ARSH: variants seen among roughly 807,000 people sequenced by gnomAD.
The protein encoded by ARSH is arylsulfatase family member H, also known as arylsulfatase H.
A neutral mutation model predicts 28.7 loss-of-function variants in ARSH; 32 were observed. The observed-to-expected ratio is 1.11, with a 90% confidence interval of 0.84 to 1.50. The LOEUF (loss-of-function observed/expected upper bound fraction) is 1.50. Among genes scored for constraint, ARSH ranks in the 40% most tolerant of loss-of-function variants. The pLI, the probability that ARSH is intolerant of heterozygous loss-of-function variation, is 0.00. For synonymous variants in ARSH, 176 were observed against 177.3 expected, an observed-to-expected ratio of 0.99 and a Z score of 0.06; for missense variants, 440 against 452.4, an observed-to-expected ratio of 0.97 and a Z score of 0.25.
At chrX:3,011,252 CTTT>C (rs386419239) in intron 2 of ARSH, among the ~76,000 whole-genome samples, 1 of 90,944 alleles carries the variant, frequency 1.1e-5, no homozygotes. Context: ...TTCTTTCTTT[CTTT>C]TTTTTTTTTT....
chrX:3,012,987 G>A (rs972117784), intron 2 of ARSH, 60 bp from the exon 3 acceptor site: 13 of 1,154,301 alleles, frequency 1.1e-5, no homozygotes, highest in African/African-American at 1.8e-5. Flanking sequence ...TAAGCATGTC[G>A]GGATAAATTC....
At chrX:3,014,584 G>T (rs1421516261) in intron 3 of ARSH, among the ~76,000 whole-genome samples, 4 of 111,444 alleles carry the variant, frequency 3.6e-5, no homozygotes, top group Non-Finnish European at 5.6e-5. Context: ...TGCACTGAAA[G>T]TCCTTGGTAT....
At chrX:3,012,367 G>A (rs1230333608) in intron 2 of ARSH, among the ~76,000 whole-genome samples, 1 of 100,669 alleles carries the variant, frequency 9.9e-6, no homozygotes, top group Non-Finnish European at 2.0e-5. Context: ...GTGAAACCTC[G>A]TCTCTACTAA....
chrX:3,017,412 A>T (rs2089869063), intron 4 of ARSH, among the ~76,000 whole-genome samples: 1 of 110,635 alleles, frequency 9.0e-6, no homozygotes, highest in African/African-American at 3.3e-5. Context: ...CAAAAAATGT[A>T]CAAAATTAGC....
At chrX:3,007,725 T>C (rs139534809) in intron 1 of ARSH, among the ~76,000 whole-genome samples, 6 of 103,838 alleles carry the variant, frequency 5.8e-5, no homozygotes, top group Admixed American at 2.1e-4. Flanking sequence ...AAGAATACCA[T>C]AGACTGGGTG....
chrX:3,026,791 G>T lies in ARSH; in HGVS notation c.1037-522G>T, dbSNP rs139915248. ...GGAAATCACGGGGTAAAGTTTTTTA[G>T]CTTGTTCCTCAAGGATCATTATAAT... On this transcript the variant is annotated intron_variant, in intron 6 of 8. Coordinates refer to ENST00000381130, the MANE Select transcript of ARSH (RefSeq NM_001011719.2). Among the ~76,000 whole-genome samples, 22 of 111,901 alleles carry T rather than the reference G, an allele frequency of 2.0e-4. 1 individual carries two copies. Among genetic ancestry groups the T allele is most frequent in the Admixed American group, 5.7e-4 (6 of 10,490 alleles).
Position 3,024,014 on chromosome X carries a change from T to A in ARSH, c.902-7T>A, listed in dbSNP as rs1464858644. 2 of 1,209,936 alleles carry A rather than the reference T, an allele frequency of 1.7e-6. No individual in the cohort carries two copies. The highest frequency in any genetic ancestry group is 2.2e-6 in the Non-Finnish European group (2 of 894,770). On this transcript the variant is annotated splice_region_variant and splice_polypyrimidine_tract_variant and intron_variant, in intron 5 of 8. Coordinates refer to ENST00000381130, the MANE Select transcript of ARSH (RefSeq NM_001011719.2). ...GTCAACGTCTTTGTGTCTCTGACCC[T>A]CTCCAGGTAAAATCCTGGATGCCCT...
chrX:3,013,386 A>T (rs2089856538), intron 3 of ARSH, among the ~76,000 whole-genome samples: 1 of 111,255 alleles, frequency 9.0e-6, no homozygotes, highest in African/African-American at 3.3e-5. Context: ...CAGAAAGCAA[A>T]CAAGTGTATC....
At chrX:3,020,552 G>T (rs2089880385) in intron 5 of ARSH, among the ~76,000 whole-genome samples, 1 of 85,432 alleles carries the variant, frequency 1.2e-5, no homozygotes, top group South Asian at 7.0e-4. Context: ...TTGTGCCACT[G>T]CACTCCAGCC....
intron 4 of ARSH, among the ~76,000 whole-genome samples, chrX:3,016,049 C>T (rs1257319378): frequency 9.4e-6 from 1 of 106,863 alleles, no homozygotes; most frequent in Non-Finnish European, 1.9e-5. Context: ...CTCACTCTGC[C>T]ACCCAGGCTA....
chrX:3,024,348 T>A (rs1353303995), intron 6 of ARSH, among the ~76,000 whole-genome samples, 193 bp downstream of exon 6: 1 of 110,057 alleles, frequency 9.1e-6, no homozygotes, highest in Non-Finnish European at 1.9e-5. Flanking sequence ...GTAAAATGTT[T>A]GAAGCAACGC....
chrX:3,021,683 G>A (rs2089884369), intron 5 of ARSH, among the ~76,000 whole-genome samples: 1 of 101,618 alleles, frequency 9.8e-6, no homozygotes, highest in Non-Finnish European at 2.0e-5. Flanking sequence ...AGAAACTTGT[G>A]CCTATTAAAA....
chrX:3,008,731 C>G (rs896211120), intron 1 of ARSH, among the ~76,000 whole-genome samples: 3 of 35,088 alleles, frequency 8.5e-5, no homozygotes, highest in Middle Eastern at 8.4e-3. Flanking sequence ...TGTGGTTTTT[C>G]TTTTGTTTTG....
chrX:3,025,902 G>T (rs1016513657), intron 6 of ARSH, among the ~76,000 whole-genome samples: 1 of 110,830 alleles, frequency 9.0e-6, no homozygotes, highest in Non-Finnish European at 1.9e-5. Flanking sequence ...CCCTGGAATA[G>T]GACTGGCAAA....
chrX:3,026,959 C>T (rs2089900396), intron 6 of ARSH, among the ~76,000 whole-genome samples: 1 of 111,126 alleles, frequency 9.0e-6, no homozygotes, highest in African/African-American at 3.3e-5. Flanking sequence ...TCTGATCCCC[C>T]GACTTCAGCC....
intron 8 of ARSH, among the ~76,000 whole-genome samples, chrX:3,029,938 G>C (rs1483154176): frequency 9.0e-6 from 1 of 110,839 alleles, no homozygotes; most frequent in African/African-American, 3.3e-5. Flanking sequence ...CTTACTATGT[G>C]GCCCAGGCTG....
intron 8 of ARSH, among the ~76,000 whole-genome samples, chrX:3,032,376 AAAGG>A (rs1569126499): frequency 9.3e-6 from 1 of 107,098 alleles, no homozygotes; most frequent in African/African-American, 3.4e-5. Flanking sequence ...AAGAAAGAAG[AAAGG>A]AAGGGAGGGA....
chrX:3,022,208 A>G (rs1314226341), intron 5 of ARSH, among the ~76,000 whole-genome samples: 1 of 111,573 alleles, frequency 9.0e-6, no homozygotes, highest in African/African-American at 3.3e-5. Context: ...ACAGAAAAAG[A>G]ATTTGCAGCT....
intron 1 of ARSH, among the ~76,000 whole-genome samples, chrX:3,009,466 G>A (rs778569782): frequency 4.5e-5 from 5 of 110,222 alleles, no homozygotes; most frequent in Admixed American, 9.8e-5. Flanking sequence ...GTGAGACCAC[G>A]TCTCAGAAAA....
Sources: gnomAD v4.1 joint callset for allele counts (sites outside exome capture counted in the v4.1 genomes callset) on GRCh38, gnomAD v4.1.1 for gene constraint, MANE v1.5 for transcripts, NCBI Gene and HGNC (gene_info 2026-07-23, HGNC 2026-07-21) for gene names.